PTPRU: variants seen among roughly 807,000 people sequenced by gnomAD.
PTPRU encodes the protein protein tyrosine phosphatase receptor type U.
In PTPRU, 69 loss-of-function variants were observed where a neutral mutation model predicts 166.3. That is an observed-to-expected ratio of 0.41 (90% CI 0.34 to 0.51). The LOEUF (loss-of-function observed/expected upper bound fraction) is 0.51. Among genes scored for constraint, PTPRU ranks in the 20% least tolerant of loss-of-function variants. The pLI, the probability that PTPRU is intolerant of heterozygous loss-of-function variation, is 0.09. For missense variants in PTPRU, 1,657 were observed against 2,013.7 expected, an observed-to-expected ratio of 0.82 and a Z score of 3.39; for synonymous variants, 793 against 814.0, an observed-to-expected ratio of 0.97 and a Z score of 0.44.
At chr1:29,277,517 C>A (rs554609586) in intron 8 of PTPRU, among the ~76,000 whole-genome samples, 2 of 152,186 alleles carry the variant, frequency 1.3e-5, no homozygotes, top group Non-Finnish European at 2.9e-5. Context: ...CTTTATGGCC[C>A]AACATATTGT....
At chr1:29,287,440 T>C (rs539505532) in intron 14 of PTPRU, among the ~76,000 whole-genome samples, 14 of 152,242 alleles carry the variant, frequency 9.2e-5, no homozygotes, top group African/African-American at 3.1e-4. Flanking sequence ...CCCTGTCTTG[T>C]CTATATCTCC....
rs781303349 is a variant in PTPRU at position 29,280,180 on chromosome 1, T to G, written c.1868+39T>G. Reference sequence around the variant, plus strand: ...GACGGAGGGGTGGGAGTCCAGGGCCTTAGGAAAGAGGCCCCTCCTCTGACC... The same window carrying G: ...GACGGAGGGGTGGGAGTCCAGGGCCGTAGGAAAGAGGCCCCTCCTCTGACC... On this transcript the variant is annotated intron_variant, in intron 11 of 29. Coordinates refer to ENST00000373779, the MANE Select transcript of PTPRU (RefSeq NM_133178.4). The surrounding 1 kb of genome is among the most constrained non-coding windows in gnomAD (Gnocchi z 4.2). The G allele has an allele frequency of 4.5e-6, 7 of 1,554,446 alleles. No individual in the cohort carries two copies. The South Asian group carries it at 6.7e-5, about 15-fold the overall frequency.
chr1:29,300,272 A>C (rs938454427), intron 15 of PTPRU, among the ~76,000 whole-genome samples: 8 of 152,178 alleles, frequency 5.3e-5, no homozygotes, highest in Non-Finnish European at 1.2e-4. Context: ...ATGTTTCATG[A>C]AACAAACAAG....
At chr1:29,310,503 C>T (rs1264689794) in intron 18 of PTPRU, among the ~76,000 whole-genome samples, 1 of 152,134 alleles carries the variant, frequency 6.6e-6, no homozygotes, top group South Asian at 2.1e-4. Flanking sequence ...CATGTCCTCC[C>T]TGGGGTTGCA....
intron 24 of PTPRU, 53 bp downstream of exon 24, chr1:29,316,204 T>C: frequency 2.5e-6 from 4 of 1,570,104 alleles, no homozygotes; most frequent in Non-Finnish European, 3.5e-6. Context: ...TGTGTGTGTG[T>C]TGGGGCATCC....
rs542921002 is a variant in PTPRU, at chr1:29,258,417, T to C, written c.206-88T>C. ...CTGACTCCTGGTGGGTCCCGTTGCC[T>C]GGAGTCCTCCTCAGTGCTCCCCTTG... On this transcript the variant is annotated intron_variant, in intron 2 of 29. Coordinates refer to ENST00000373779, the MANE Select transcript of PTPRU (RefSeq NM_133178.4). The C allele has an allele frequency of 1.1e-4, 161 of 1,435,760 alleles. No homozygotes were observed. The South Asian group carries it at 1.9e-3, about 17-fold the overall frequency. The allele number at this position is 1,435,760 out of a possible 1,614,324, so 88.9% of individuals were successfully genotyped here.
chr1:29,289,661 TTC>T (rs1686529606), intron 14 of PTPRU: 1 of 1,613,968 alleles, frequency 6.2e-7, no homozygotes. Context: ...AACTGTGCTG[TTC>T]TCTCTTTGCA....
intron 1 of PTPRU, among the ~76,000 whole-genome samples, chr1:29,252,631 C>T (rs557457719): frequency 1.3e-5 from 2 of 152,188 alleles, no homozygotes; most frequent in South Asian, 2.1e-4. Flanking sequence ...GTTGCAGCTG[C>T]AGATGAAACA....
intron 14 of PTPRU, among the ~76,000 whole-genome samples, chr1:29,287,532 G>A (rs942731167): frequency 2.0e-4 from 30 of 151,936 alleles, no homozygotes; most frequent in East Asian, 3.9e-4. Context: ...GGTGCTTCCC[G>A]GTGCTGAGGC....
At chr1:29,267,312 G>A (rs1370027703) in intron 7 of PTPRU, among the ~76,000 whole-genome samples, 1 of 152,232 alleles carries the variant, frequency 6.6e-6, no homozygotes, top group East Asian at 1.9e-4. Context: ...ACTTGAATAT[G>A]TGTGAATTCG....
chr1:29,289,829 C>T lies in PTPRU; in HGVS notation c.2319-2040C>T, dbSNP rs567265723. 274 of 1,202,656 alleles carry T rather than the reference C, an allele frequency of 2.3e-4. 1 individual carries two copies. The highest frequency in any genetic ancestry group is 2.8e-4 in the East Asian group (11 of 39,726). The allele number at this position is 1,202,656 out of a possible 1,614,324, so 74.5% of individuals were successfully genotyped here. A position where few individuals can be genotyped will look rare whatever the true frequency, so the allele number is the denominator to read the frequency against. ...CACCCAGCCTGGCCTGGTGTCCACC[C>T]GGTTCTCTCTGGTCACCTCGGCCTC... On this transcript the variant is annotated intron_variant, in intron 14 of 29. Coordinates refer to ENST00000373779, the MANE Select transcript of PTPRU (RefSeq NM_133178.4).
At chr1:29,253,489 T>G (rs764185299) in intron 1 of PTPRU, among the ~76,000 whole-genome samples, 17 of 152,092 alleles carry the variant, frequency 1.1e-4, no homozygotes, top group Non-Finnish European at 1.9e-4. Context: ...GAAATTTTGT[T>G]TCCTGAGGCC....
Position 29,325,209 on chromosome 1 carries a change from C to T in PTPRU, c.4131C>T (p.Ser1377=), listed in dbSNP as rs776976048. The change falls in exon 29 of 30, where the codon AGC becomes AGT. Residue 1377 remains serine, a synonymous_variant. Coordinates refer to ENST00000373779, the MANE Select transcript of PTPRU (RefSeq NM_133178.4). ...IVHCLNGGGR[S]GTFCACATVL... ...CATTCAGAAACGGGGGAGGACGCAG[C>T]GGCACCTTCTGCGCCTGCGCCACGG... 3.1e-6 allele frequency: 5 copies of T among 1,614,196 alleles called. No individual in the cohort carries two copies. Among genetic ancestry groups the T allele is most frequent in the Non-Finnish European group, 4.2e-6 (5 of 1,180,040 alleles).
intron 11 of PTPRU, among the ~76,000 whole-genome samples, chr1:29,282,382 G>A (rs1478380398): frequency 6.6e-6 from 1 of 152,192 alleles, no homozygotes; most frequent in Non-Finnish European, 1.5e-5. Context: ...CAGGGTCCAC[G>A]ATCCTCTTAG....
At position 29,271,975 on chromosome 1, in the gene PTPRU, A is replaced by G. The variant is rs1487241561; in HGVS notation, c.1145-3473A>G. 6.6e-6 allele frequency among the ~76,000 whole-genome samples: 1 copy of G among 152,070 alleles called. No homozygotes were observed. Among genetic ancestry groups the G allele is most frequent in the Non-Finnish European group, 1.5e-5 (1 of 67,994 alleles). The stretch of plus-strand genomic sequence containing the variant: ...AAAGCAGTGGTACCTCGGCTCTTGT[A>G]GACTCCCAGGACAGTGCACACAGGG... On this transcript the variant is annotated intron_variant, in intron 7 of 29. Coordinates refer to ENST00000373779, the MANE Select transcript of PTPRU (RefSeq NM_133178.4). The surrounding 1 kb of genome is among the most constrained non-coding windows in gnomAD (Gnocchi z 4.4).
Position 29,282,621 on chromosome 1 carries a change from C to T in PTPRU, c.1869-55C>T, listed in dbSNP as rs147688537. The T allele has an allele frequency of 1.6e-3, 2,433 of 1,553,856 alleles. 36 individuals are homozygous for T. The African/African-American group carries it at 0.03, about 19-fold the overall frequency. ...GCCCATGCCTTTAACTGCCAGCTGG[C>T]TCTCCCAGTCCTCTGGCCGCCTGTG... On this transcript the variant is annotated intron_variant, in intron 11 of 29. Transcript: ENST00000373779.
intron 14 of PTPRU, chr1:29,289,751 C>T (rs1686535419): frequency 1.2e-6 from 2 of 1,607,650 alleles, no homozygotes; most frequent in Middle Eastern, 1.7e-4. Context: ...CCCGGCCCTG[C>T]CTAGGGGGAG....
chr1:29,297,684 G>A (rs1026854534), intron 15 of PTPRU, among the ~76,000 whole-genome samples: 1 of 152,162 alleles, frequency 6.6e-6, no homozygotes, highest in Non-Finnish European at 1.5e-5. Context: ...GATCAGGGTG[G>A]TGTGGGCTCA....
chr1:29,322,495 T>C (rs888489151), intron 26 of PTPRU, among the ~76,000 whole-genome samples: 12 of 151,854 alleles, frequency 7.9e-5, no homozygotes, highest in African/African-American at 2.4e-4. Flanking sequence ...ATTAACTAGG[T>C]GAGGAGGTGG....
Sources: allele counts gnomAD v4.1 joint callset (sites outside exome capture counted in the v4.1 genomes callset), GRCh38; gene constraint gnomAD v4.1.1; non-coding constraint Gnocchi (gnomAD v3.1); transcripts MANE v1.5; gene names NCBI Gene and HGNC (gene_info 2026-07-23, HGNC 2026-07-21).